Variants in EYA3 observed in about 807,000 individuals in gnomAD.
EYA3 encodes EYA transcriptional coactivator and phosphatase 3.
In EYA3, 39 loss-of-function variants were observed where a neutral mutation model predicts 80.0. The ratio of observed to expected loss-of-function variants is 0.49; its 90% CI spans 0.38 to 0.64. The LOEUF is 0.64. EYA3 is among the 30% of genes least tolerant of loss of function. The pLI, the probability that EYA3 is intolerant of heterozygous loss-of-function variation, is 0.00. For synonymous variants in EYA3, 206 were observed against 232.8 expected (o/e 0.88, Z 1.05); for missense variants, 523 against 676.1 (o/e 0.77, Z 2.51).
At chr1:28,051,131 GAAGT>G (rs1235757130) in intron 2 of EYA3, among the ~76,000 whole-genome samples, 1 of 152,112 alleles carries the variant, frequency 6.6e-6, no homozygotes, top group Non-Finnish European at 1.5e-5. Context: ...AAGCTGCCAG[GAAGT>G]AAGAAAGCAA....
At chr1:28,040,688 G>C (rs1298469546) in intron 4 of EYA3, among the ~76,000 whole-genome samples, 1 of 152,114 alleles carries the variant, frequency 6.6e-6, no homozygotes, top group Non-Finnish European at 1.5e-5. Context: ...CTTGACGACA[G>C]CAGTTTCACT....
intron 7 of EYA3, among the ~76,000 whole-genome samples, chr1:28,023,252 A>C (rs558398084): frequency 6.6e-6 from 1 of 152,334 alleles, no homozygotes; most frequent in African/African-American, 2.4e-5. Flanking sequence ...AAAATGACTG[A>C]ATAAATCAAC....
chr1:28,065,997 ACT>A (rs1211104098), intron 1 of EYA3, among the ~76,000 whole-genome samples: 3 of 150,842 alleles, frequency 2.0e-5, no homozygotes, highest in African/African-American at 4.9e-5. Context: ...CAAGAGTGAA[ACT>A]CTGTCTCAAA....
Position 27,989,804 on chromosome 1 carries a change from G to A in EYA3, c.1311C>T (p.Leu437=). The A allele has an allele frequency of 6.2e-7, 1 of 1,601,050 alleles. No homozygotes were observed. Among genetic ancestry groups the A allele is most frequent in the Non-Finnish European group, 8.5e-7 (1 of 1,172,408 alleles). The change falls in exon 15 of 18, where the codon CTC becomes CTT. Residue 437 remains leucine (L), a synonymous_variant. Transcript: ENST00000373871. ...GCAGTGCTTCCTTCCTCTGGGGACT[G>A]AGGAGACCTTTAGGAATAAAAGCAG... is the stretch of plus-strand genomic sequence containing the variant. ...DKHKSNVGGL[L]SPQRKEALQR...
At chr1:27,995,203 G>A (rs1333484721) in intron 13 of EYA3, among the ~76,000 whole-genome samples, 1 of 150,598 alleles carries the variant, frequency 6.6e-6, no homozygotes, top group Non-Finnish European at 1.5e-5. Context: ...CCAGGAGTTC[G>A]AGACCAGCCT....
rs1164101555 is a variant in EYA3, at chr1:28,035,677, A to C, written c.228T>G (p.Pro76=). 6.2e-7 allele frequency: 1 copy of C among 1,606,330 alleles called. No homozygotes were observed. The highest frequency in any genetic ancestry group is 1.3e-5 in the African/African-American group (1 of 74,532). The change falls in exon 6 of 18, where the codon CCT becomes CCG. Residue 76 remains proline (P), a synonymous_variant. Transcript: ENST00000373871. ...DYTSQMYSAK[P]YAHILSVPVS... ...CAGGAACTGAGAGAATATGTGCATA[A>C]GGTCTGGAAAATTTCATGAAAACAA...
intron 17 of EYA3, chr1:27,977,382 T>TA (rs1180194817): frequency 1.0e-5 from 16 of 1,550,068 alleles, no homozygotes; most frequent in South Asian, 9.5e-5. Flanking sequence ...GTCTAAGAAA[T>TA]AGAGTTGCTG....
At chr1:28,065,236 C>T (rs7543405) in intron 1 of EYA3, among the ~76,000 whole-genome samples, 26,943 of 152,198 alleles carry the variant, frequency 0.18, 3,024 homozygotes, top group East Asian at 0.24. Flanking sequence ...TTTCCTTCTT[C>T]AAAAGTTCAT....
At chr1:28,021,017 C>T (rs536757611) in intron 7 of EYA3, among the ~76,000 whole-genome samples, 1 of 152,214 alleles carries the variant, frequency 6.6e-6, no homozygotes, top group South Asian at 2.1e-4. Flanking sequence ...CAGAAGACCA[C>T]GGTTACAGAA....
At chr1:28,060,367 C>T (rs571062413) in intron 1 of EYA3, among the ~76,000 whole-genome samples, 11 of 152,070 alleles carry the variant, frequency 7.2e-5, no homozygotes, top group Admixed American at 5.9e-4. Flanking sequence ...AGTAAGAAAA[C>T]GCTCTATCAA....
chr1:28,034,986 G>T (rs1643364486), intron 6 of EYA3, among the ~76,000 whole-genome samples: 1 of 152,086 alleles, frequency 6.6e-6, no homozygotes, highest in Non-Finnish European at 1.5e-5. Context: ...TATAGTTCAT[G>T]TCCAAGACAC....
At chr1:28,030,274 C>G (rs1440234091) in intron 6 of EYA3, among the ~76,000 whole-genome samples, 1 of 151,992 alleles carries the variant, frequency 6.6e-6, no homozygotes, top group East Asian at 1.9e-4. Context: ...TTAAAAAGAC[C>G]AACAGTGGGA....
chr1:28,056,867 C>T (rs1644455856), intron 2 of EYA3, among the ~76,000 whole-genome samples: 1 of 152,162 alleles, frequency 6.6e-6, no homozygotes, highest in South Asian at 2.1e-4. Flanking sequence ...ACATTAAAAA[C>T]TCAATGGCAT....
At chr1:28,017,091 G>T in intron 8 of EYA3, 63 bp downstream of exon 8, 2 of 1,405,762 alleles carry the variant, frequency 1.4e-6, no homozygotes, top group Non-Finnish European at 2.0e-6. Context: ...ATTGACCATG[G>T]AAAGAAGAAA....
rs767929575 is a variant in EYA3, at chr1:27,989,835, T to C, written c.1304-24A>G. 9.6e-6 allele frequency: 14 copies of C among 1,464,962 alleles called. No homozygotes were observed. In the Admixed American group the frequency reaches 1.0e-4, roughly 10 times the overall value. The allele number at this position is 1,464,962 out of a possible 1,614,324, so 90.7% of individuals were successfully genotyped here. A position where few individuals can be genotyped will look rare whatever the true frequency, so the allele number is the denominator to read the frequency against. ...ACCTTTAGGAATAAAAGCAGACACA[T>C]TTATCATTTGACAACATATATTTGC... is the stretch of plus-strand genomic sequence containing the variant. On this transcript the variant is annotated intron_variant, in intron 14 of 17. Transcript: ENST00000373871.
chr1:28,072,026 T>C (rs1645034478), intron 1 of EYA3, among the ~76,000 whole-genome samples: 2 of 152,106 alleles, frequency 1.3e-5, no homozygotes, highest in Admixed American at 6.5e-5. Flanking sequence ...AAGGATCTAA[T>C]CTACAGAGAC....
intron 16 of EYA3, among the ~76,000 whole-genome samples, chr1:27,983,855 A>G (rs1639473382): frequency 6.6e-6 from 1 of 152,148 alleles, no homozygotes; most frequent in Non-Finnish European, 1.5e-5. Flanking sequence ...GGGTTTCACC[A>G]TGTTGGTCAG....
intron 10 of EYA3, among the ~76,000 whole-genome samples, chr1:28,010,011 A>C (rs1019899487): frequency 2.6e-5 from 4 of 152,228 alleles, no homozygotes; most frequent in Admixed American, 6.5e-5. Context: ...GAAATATATC[A>C]GAAATTTACT....
rs1455908836 is a variant in EYA3 at position 28,039,240 on chromosome 1, C to T, written c.158-335G>A. ...CTGATAGGCAAACTTAAAAAGCAAG[C>T]TTTATGTCTGGAAAACCACATTATT... On this transcript the variant is annotated intron_variant, in intron 4 of 17. Transcript: ENST00000373871. Among the ~76,000 whole-genome samples, 9 of 152,264 alleles carry T rather than the reference C, an allele frequency of 5.9e-5. No homozygotes were observed. The South Asian group carries it at 1.7e-3, about 28-fold the overall frequency.
Sources: allele counts gnomAD v4.1 joint callset (sites outside exome capture counted in the v4.1 genomes callset), GRCh38; gene constraint gnomAD v4.1.1; transcripts MANE v1.5; gene names NCBI Gene and HGNC (gene_info 2026-07-23, HGNC 2026-07-21).